CDH18: variants seen among roughly 807,000 people sequenced by gnomAD.
CDH18 encodes cadherin-18.
A neutral mutation model predicts 67.9 loss-of-function variants in CDH18; 31 were observed. That is an observed-to-expected ratio of 0.46 (90% CI 0.34 to 0.62). The LOEUF (loss-of-function observed/expected upper bound fraction) is 0.62. CDH18 is among the 20% of genes least tolerant of loss of function. The pLI is 0.01. For synonymous variants in CDH18, 362 were observed against 347.2 expected, an observed-to-expected ratio of 1.04 and a Z score of -0.48; for missense variants, 890 against 975.5, an observed-to-expected ratio of 0.91 and a Z score of 1.17.
At chr5:20,524,501 G>A (rs987033566) in intron 1 of CDH18, among the ~76,000 whole-genome samples, 3 of 151,986 alleles carry the variant, frequency 2.0e-5, no homozygotes, top group African/African-American at 7.2e-5. Context: ...TTATTAATAT[G>A]TGTACATTAT....
intron 3 of CDH18, among the ~76,000 whole-genome samples, chr5:19,787,905 G>A (rs966017529): frequency 1.3e-4 from 19 of 151,182 alleles, no homozygotes; most frequent in Non-Finnish European, 2.5e-4. Context: ...AACTCCTTCA[G>A]AAGTATATCA....
chr5:20,148,902 C>T (rs960003403), intron 2 of CDH18, among the ~76,000 whole-genome samples: 7 of 152,024 alleles, frequency 4.6e-5, no homozygotes, highest in African/African-American at 1.7e-4. Context: ...CCCGAGATGT[C>T]CATGGGCTGG....
chr5:20,566,023 G>C (rs969042428), intron 1 of CDH18, among the ~76,000 whole-genome samples: 1 of 151,986 alleles, frequency 6.6e-6, no homozygotes, highest in Non-Finnish European at 1.5e-5. Context: ...ACAAAATCTT[G>C]CAAATATTTT....
At chr5:20,341,576 T>C (rs1240610572) in intron 1 of CDH18, among the ~76,000 whole-genome samples, 3 of 151,968 alleles carry the variant, frequency 2.0e-5, no homozygotes, top group African/African-American at 7.3e-5. Flanking sequence ...AACACTAATA[T>C]AGAACTAATA....
intron 2 of CDH18, among the ~76,000 whole-genome samples, chr5:20,239,581 A>C (rs760794472): frequency 3.3e-5 from 5 of 152,184 alleles, no homozygotes; most frequent in African/African-American, 4.8e-5. Context: ...AAAATAAAAG[A>C]AGCTTTTTCA....
rs1386505850 is a variant in CDH18 at position 19,636,568 on chromosome 5, A to G, written c.644-23967T>C. ...TTTAAAATTTTGACTCTTAATTTTT[A>G]TATATACTGCTACCTCTAATCTCCA... On this transcript the variant is annotated intron_variant, in intron 5 of 12. Coordinates refer to ENST00000382275, the MANE Select transcript of CDH18 (RefSeq NM_004934.5). 2.0e-5 allele frequency among the ~76,000 whole-genome samples: 3 copies of G among 151,980 alleles called. No individual in the cohort carries two copies. In the East Asian group the frequency reaches 5.8e-4, roughly 29 times the overall value.
chr5:20,186,929 T>G (rs1200978621), intron 2 of CDH18, among the ~76,000 whole-genome samples: 2 of 151,906 alleles, frequency 1.3e-5, no homozygotes, highest in Non-Finnish European at 2.9e-5. Context: ...AAACAAAATG[T>G]GGTGTATATG....
chr5:20,491,599 T>C (rs1331713193), intron 1 of CDH18, among the ~76,000 whole-genome samples: 1 of 152,082 alleles, frequency 6.6e-6, no homozygotes, highest in African/African-American at 2.4e-5. Context: ...AAGCAACCAG[T>C]GTTGTAGGAC....
intron 4 of CDH18, among the ~76,000 whole-genome samples, chr5:19,733,836 G>T (rs1194278449): frequency 1.3e-5 from 2 of 152,178 alleles, no homozygotes; most frequent in Non-Finnish European, 2.9e-5. Flanking sequence ...CACTGCCTGG[G>T]CATCATCAAA....
At chr5:20,180,326 G>A (rs1207570336) in intron 2 of CDH18, among the ~76,000 whole-genome samples, 4 of 152,068 alleles carry the variant, frequency 2.6e-5, no homozygotes, top group Non-Finnish European at 4.4e-5. Flanking sequence ...TTAGGTTTAA[G>A]GCATACTCCC....
chr5:20,214,376 T>C (rs1351218718), intron 2 of CDH18, among the ~76,000 whole-genome samples: 1 of 152,000 alleles, frequency 6.6e-6, no homozygotes, highest in Non-Finnish European at 1.5e-5. Flanking sequence ...TTGCCCCTAA[T>C]ACCAAGGCAG....
chr5:20,044,333 T>C (rs938902712), intron 2 of CDH18, among the ~76,000 whole-genome samples: 4 of 152,054 alleles, frequency 2.6e-5, no homozygotes, highest in Admixed American at 6.6e-5. Flanking sequence ...ATGAATAAAA[T>C]AAGGCTAGTT....
chr5:20,292,285 G>C (rs1747160997), intron 1 of CDH18, among the ~76,000 whole-genome samples: 1 of 152,192 alleles, frequency 6.6e-6, no homozygotes, highest in Non-Finnish European at 1.5e-5. Flanking sequence ...CAATTTCTGA[G>C]ATTGAGAAAC....
intron 2 of CDH18, among the ~76,000 whole-genome samples, chr5:19,914,023 A>G (rs1791470569): frequency 6.6e-6 from 1 of 152,148 alleles, no homozygotes; most frequent in Non-Finnish European, 1.5e-5. Flanking sequence ...AGGATCATAG[A>G]GCAGATAGTG....
At chr5:20,009,014 G>A (rs926956025) in intron 2 of CDH18, among the ~76,000 whole-genome samples, 2 of 152,062 alleles carry the variant, frequency 1.3e-5, no homozygotes, top group African/African-American at 2.4e-5. Context: ...CAAATAGGAC[G>A]CATAAGATGT....
chr5:19,979,227 T>A (rs918604190), intron 2 of CDH18, among the ~76,000 whole-genome samples: 3 of 151,674 alleles, frequency 2.0e-5, no homozygotes, highest in Non-Finnish European at 4.4e-5. Context: ...TGTGTGTGTG[T>A]GTGTGTGTGT....
intron 2 of CDH18, among the ~76,000 whole-genome samples, chr5:20,131,157 T>C (rs983203009): frequency 2.6e-5 from 4 of 152,114 alleles, no homozygotes; most frequent in African/African-American, 9.7e-5. Context: ...TTTAAAAATG[T>C]ATTCTTCCTT....
chr5:19,705,877 A>G (rs1319573520), intron 5 of CDH18, among the ~76,000 whole-genome samples: 3 of 152,210 alleles, frequency 2.0e-5, no homozygotes, highest in Non-Finnish European at 4.4e-5. Flanking sequence ...TCCTAAAATG[A>G]AACTGTTTCA....
At chr5:19,711,606 T>C (rs1764713488) in intron 5 of CDH18, among the ~76,000 whole-genome samples, 1 of 119,248 alleles carries the variant, frequency 8.4e-6, no homozygotes, top group South Asian at 2.5e-4. Context: ...AAAACCACAA[T>C]GGAATAACAG....
Sources: gnomAD v4.1 joint callset for allele counts (sites outside exome capture counted in the v4.1 genomes callset) on GRCh38, gnomAD v4.1.1 for gene constraint, MANE v1.5 for transcripts, NCBI Gene and HGNC (gene_info 2026-07-23, HGNC 2026-07-21) for gene names.